The following FBXO41 variants were observed in gnomAD, a reference collection of about 807,000 sequenced individuals.
FBXO41 encodes the protein F-box protein 41.
Under a neutral mutation model 81.6 loss-of-function variants are expected in FBXO41, and 33 were observed. The ratio of observed to expected loss-of-function variants is 0.40; its 90% CI spans 0.31 to 0.54. The LOEUF is 0.54. FBXO41 is among the 20% of genes least tolerant of loss of function. FBXO41 has a pLI of 0.39. For synonymous variants in FBXO41, 576 were observed against 552.7 expected (o/e 1.04, Z -0.59); for missense variants, 1,107 against 1,236.0 (o/e 0.90, Z 1.56).
intron 2 of FBXO41, 103 bp downstream of exon 2, chr2:73,268,623 C>T: frequency 8.5e-7 from 1 of 1,173,204 alleles, no homozygotes; most frequent in Non-Finnish European, 1.2e-6. Flanking sequence ...TATTACAAAG[C>T]CATGGCCACA....
intron 1 of FBXO41, among the ~76,000 whole-genome samples, chr2:73,276,560 C>CGAGAGAG (rs1688686448): frequency 2.8e-5 from 3 of 106,470 alleles, no homozygotes; most frequent in African/African-American, 1.2e-4. Context: ...CAAATCTATT[C>CGAGAGAG]AGAGAGAGAG....
chr2:73,275,801 C>G (rs1178726197), intron 1 of FBXO41, among the ~76,000 whole-genome samples: 1 of 146,198 alleles, frequency 6.8e-6, no homozygotes, highest in Non-Finnish European at 1.5e-5. Context: ...TTTCTTTTTT[C>G]TTTTGGACAG....
chr2:73,260,870 G>C lies in FBXO41; in HGVS notation c.2172-12C>G. ...GTGTGGGCTGCTGGCTGGAGAATGGGAAGGGGGAGCCGTCAGGGAAGTCTC... is the reference window on the plus strand; with the variant it reads ...GTGTGGGCTGCTGGCTGGAGAATGGCAAGGGGGAGCCGTCAGGGAAGTCTC... On this transcript the variant is annotated splice_polypyrimidine_tract_variant and intron_variant, in intron 9 of 12. Coordinates refer to ENST00000520530, the MANE Select transcript of FBXO41 (RefSeq NM_001371389.2). The surrounding 1 kb of genome is among the most constrained non-coding windows in gnomAD (Gnocchi z 5.0). 1 of 1,549,772 alleles carries C rather than the reference G, an allele frequency of 6.5e-7. No homozygotes were observed.
At position 73,259,634 on chromosome 2, in the gene FBXO41, C is replaced by T. The variant is rs1481017162; in HGVS notation, c.2450-338G>A. On this transcript the variant is annotated intron_variant, in intron 11 of 12. Coordinates refer to ENST00000520530, the MANE Select transcript of FBXO41 (RefSeq NM_001371389.2). The surrounding 1 kb of genome is among the most constrained non-coding windows in gnomAD (Gnocchi z 4.2). ...GGAACAGAGTGGCTGAGGTGGGGCT[C>T]GTGGATCCAGGCTGAAGCACAAAGG... 6.6e-6 allele frequency among the ~76,000 whole-genome samples: 1 copy of T among 151,348 alleles called. No individual in the cohort carries two copies. Among genetic ancestry groups the T allele is most frequent in the Admixed American group, 6.6e-5 (1 of 15,188 alleles).
rs554345330 is a variant in FBXO41, at chr2:73,265,781, T to C, written c.1205+112A>G. On this transcript the variant is annotated intron_variant, in intron 4 of 12. Coordinates refer to ENST00000520530, the MANE Select transcript of FBXO41 (RefSeq NM_001371389.2). ...CCCTCTGGGTGTGGAAAGGCAGACATACGTGACCCAGGGAGGGTAGGGGCA... is the reference window on the plus strand; with the variant it reads ...CCCTCTGGGTGTGGAAAGGCAGACACACGTGACCCAGGGAGGGTAGGGGCA... 1.7e-5 allele frequency: 24 copies of C among 1,440,058 alleles called. No individual in the cohort carries two copies. The Admixed American group carries it at 5.2e-4, about 31-fold the overall frequency. 89.2% of individuals were successfully genotyped at this position (1,440,058 alleles called of 1,614,324 possible).
intron 1 of FBXO41, among the ~76,000 whole-genome samples, chr2:73,277,736 T>C (rs1688736693): frequency 6.6e-6 from 1 of 152,236 alleles, no homozygotes; most frequent in Admixed American, 6.5e-5. Context: ...CTGTAGCTCC[T>C]GTTTCCTGTC....
Position 73,266,611 on chromosome 2 carries a change from T to C in FBXO41, c.977A>G (p.Gln326Arg). The C allele has an allele frequency of 6.2e-7, 1 of 1,610,672 alleles. No individual in the cohort carries two copies. Among genetic ancestry groups the C allele is most frequent in the Non-Finnish European group, 8.5e-7 (1 of 1,178,684 alleles). Residue 326 changes from glutamine to arginine, a missense_variant, in exon 3 of 13, where the codon CAG (glutamine) becomes CGG (arginine). Physicochemically the swap from Gln to Arg is conservative, Grantham distance 43 (BLOSUM62 1). This residue lies in a region of FBXO41 where 771 missense variants were observed against 789.2 expected (regional missense o/e 0.98). Transcript: ENST00000520530. The surrounding 1 kb of genome is among the most constrained non-coding windows in gnomAD (Gnocchi z 5.3). Reference protein sequence around the residue: ...AREASAKLRLQQFIEELLERA... With the variant: ...AREASAKLRLRQFIEELLERA... ...CTCAAGGAGCTCCTCAATGAACTGC[T>C]GCAGCCGCAGCTTGGCGCTGGCCTC...
At position 73,269,327 on chromosome 2, in the gene FBXO41, C is replaced by G. The variant is rs1290270052; in HGVS notation, c.304G>C (p.Ala102Pro). ...KEQAAGPSPAAPHLLHHHHHH... is the reference protein window; with the variant it reads ...KEQAAGPSPAPPHLLHHHHHH... ...TGGTGGTGGTGCAGCAGGTGCGGCGCCGCGGGCGACGGCCCGGCCGCCTGC... is the reference window on the plus strand; with the variant it reads ...TGGTGGTGGTGCAGCAGGTGCGGCGGCGCGGGCGACGGCCCGGCCGCCTGC... Residue 102 changes from alanine to proline, a missense_variant, in exon 2 of 13, where the codon GCG becomes CCG. Transcript: ENST00000520530. The surrounding 1 kb of genome is among the most constrained non-coding windows in gnomAD (Gnocchi z 7.0). The G allele has an allele frequency of 6.6e-7, 1 of 1,523,858 alleles. No homozygotes were observed. Among genetic ancestry groups the G allele is most frequent in the Admixed American group, 2.0e-5 (1 of 49,260 alleles). The allele number at this position is 1,523,858 out of a possible 1,614,324, so 94.4% of individuals were successfully genotyped here.
rs912430089 is a variant in FBXO41, at chr2:73,264,509, C to T, written c.1575G>A (p.Glu525=). The T allele has an allele frequency of 1.4e-5, 22 of 1,613,526 alleles. No individual in the cohort carries two copies. The highest frequency in any genetic ancestry group is 3.3e-4 in the Middle Eastern group (2 of 6,004). ...CTCGCCGACCCCGCCCACTGCCTCCCTCGGGGCGGGCTGCAGAATACCAGG... is the reference window on the plus strand; with the variant it reads ...CTCGCCGACCCCGCCCACTGCCTCCTTCGGGGCGGGCTGCAGAATACCAGG... ...LSSCRLSARP[E]GGSGRGRRAE... The change falls in exon 6 of 13, where the codon GAG becomes GAA. Residue 525 remains glutamate (E), a synonymous_variant. Coordinates refer to ENST00000520530, the MANE Select transcript of FBXO41 (RefSeq NM_001371389.2).
Position 73,264,053 on chromosome 2 carries a change from A to G in FBXO41, c.1807T>C (p.Phe603Leu). The G allele has an allele frequency of 6.3e-7, 1 of 1,588,436 alleles. No homozygotes were observed. The highest frequency in any genetic ancestry group is 8.6e-7 in the Non-Finnish European group (1 of 1,166,994). The part of the protein sequence containing the change: ...LLENARVCSK[F>L]LAMLAQWCTQ... ...CACCACTGAGCCAGCATTGCCAGGA[A>G]CTGTGGGGGAGGGGAAGGACATTTG... Residue 603 changes from phenylalanine (F) to leucine (L), a missense_variant and splice_region_variant, in exon 7 of 13, where the codon TTC becomes CTC. Transcript: ENST00000520530.
In FBXO41 at chr2:73,268,751, C is replaced by A; in HGVS notation, c.880G>T (p.Glu294Ter). 1 of 1,562,766 alleles carries A rather than the reference C, an allele frequency of 6.4e-7. No homozygotes were observed. The highest frequency in any genetic ancestry group is 2.4e-5 in the East Asian group (1 of 42,466). ...TGCTGCTTGCGGCTCAGCTCCTGTT[C>A]CTTGTGCACCAGGTCCTGCTTGAGT... is the stretch of plus-strand genomic sequence containing the variant. ...ASLKQDLVHK[E>*]QELSRKQQEV... The change falls in exon 2 of 13, where the codon GAA becomes TAA. Residue 294 changes from glutamate (E) to a stop codon, truncating the protein, a stop_gained. Transcript: ENST00000520530. LOFTEE classifies it high-confidence loss of function.
At chr2:73,275,728 A>C (rs573099349) in intron 1 of FBXO41, among the ~76,000 whole-genome samples, 1 of 152,324 alleles carries the variant, frequency 6.6e-6, no homozygotes, top group South Asian at 2.1e-4. Flanking sequence ...AATTTTGAGC[A>C]AATCCTAAAT....
At chr2:73,278,007 A>G (rs1688744747) in intron 1 of FBXO41, among the ~76,000 whole-genome samples, 1 of 152,146 alleles carries the variant, frequency 6.6e-6, no homozygotes, top group Non-Finnish European at 1.5e-5. Flanking sequence ...CAGTATTTCT[A>G]TCTTCTTGGC....
Position 73,260,279 on chromosome 2 carries a change from C to G in FBXO41, c.2449+110G>C, listed in dbSNP as rs563381883. The G allele has an allele frequency of 1.1e-5, 16 of 1,421,750 alleles. No individual in the cohort carries two copies. The highest frequency in any genetic ancestry group is 1.9e-4 in the Middle Eastern group (1 of 5,224). 88.1% of individuals were successfully genotyped at this position (1,421,750 alleles called of 1,614,324 possible). The stretch of plus-strand genomic sequence containing the variant: ...CTTAACCTGTCCCCCTGCCTCTGCC[C>G]TTGGCTGGAGACTCTGATCCATCTG... On this transcript the variant is annotated intron_variant, in intron 11 of 12. Coordinates refer to ENST00000520530, the MANE Select transcript of FBXO41 (RefSeq NM_001371389.2). This position sits in a 1 kb window ranked among gnomAD's most constrained non-coding sequence, Gnocchi z 5.0.
rs1687833076 is a variant in FBXO41 at position 73,256,850 on chromosome 2, A to G, written c.*2132T>C. Reference sequence around the variant, plus strand: ...CCAGGCATTCTAGTGTGTACCACCCAGAGAGAAGTTGCCTAGAGCCTTGTA... The same window carrying G: ...CCAGGCATTCTAGTGTGTACCACCCGGAGAGAAGTTGCCTAGAGCCTTGTA... On this transcript the variant is annotated 3_prime_UTR_variant, in exon 13 of 13. Coordinates refer to ENST00000520530, the MANE Select transcript of FBXO41 (RefSeq NM_001371389.2). 1 of 152,712 alleles carries G rather than the reference A, an allele frequency of 6.5e-6. No homozygotes were observed. Among genetic ancestry groups the G allele is most frequent in the African/African-American group, 2.4e-5 (1 of 41,452 alleles). 9.5% of individuals were successfully genotyped at this position (152,712 alleles called of 1,614,324 possible).
At chr2:73,261,152 G>A (rs1021145504) in intron 9 of FBXO41, among the ~76,000 whole-genome samples, 2 of 151,966 alleles carry the variant, frequency 1.3e-5, no homozygotes, top group Admixed American at 1.3e-4. Flanking sequence ...TGCCTCCTGG[G>A]TTCAAGCAAT....
chr2:73,265,755 C>A, intron 4 of FBXO41, 115 bp from the exon 5 acceptor site: 1 of 1,425,138 alleles, frequency 7.0e-7, no homozygotes, highest in Non-Finnish European at 9.4e-7. Context: ...TTCCAAAAGC[C>A]CCCTCTGGGT....
rs1687788257 is a variant in FBXO41 at position 73,255,798 on chromosome 2, AAGG to A, written c.*3181_*3183del. The A allele has an allele frequency of 2.0e-5, 3 of 152,496 alleles. No individual in the cohort carries two copies. The highest frequency in any genetic ancestry group is 1.5e-5 in the Non-Finnish European group (1 of 68,088). 9.4% of individuals were successfully genotyped at this position (152,496 alleles called of 1,614,324 possible). On this transcript the variant is annotated 3_prime_UTR_variant, in exon 13 of 13. Transcript: ENST00000520530. ...AAACCTTGGAGTAGCAGGCCTTGGG[AAGG>A]AGGACTTTTTTTTGTTTTTCTCTTT...
chr2:73,257,300 A>G lies in FBXO41; in HGVS notation c.*1682T>C, dbSNP rs10185970. On this transcript the variant is annotated 3_prime_UTR_variant, in exon 13 of 13. Coordinates refer to ENST00000520530, the MANE Select transcript of FBXO41 (RefSeq NM_001371389.2). This position sits in a 1 kb window ranked among gnomAD's most constrained non-coding sequence, Gnocchi z 4.6. Reference sequence around the variant, plus strand: ...GTTTTCAAAGGGCAGGGACAGAATGAGCCACAGGAGGAAAAGTCAGCAATG... The same window carrying G: ...GTTTTCAAAGGGCAGGGACAGAATGGGCCACAGGAGGAAAAGTCAGCAATG... 16,570 of 152,806 alleles carry G rather than the reference A, an allele frequency of 0.11. 1,303 individuals are homozygous for G. The highest frequency in any genetic ancestry group is 0.22 in the African/African-American group (9,055 of 41,524). The allele number at this position is 152,806 out of a possible 1,614,324, so 9.5% of individuals were successfully genotyped here.
Sources: allele counts gnomAD v4.1 joint callset (sites outside exome capture counted in the v4.1 genomes callset), GRCh38; gene constraint gnomAD v4.1.1; regional missense constraint gnomAD v4.1.1; non-coding constraint Gnocchi (gnomAD v3.1); transcripts MANE v1.5; gene names NCBI Gene and HGNC (gene_info 2026-07-23, HGNC 2026-07-21).